L2HGDH: variants seen among roughly 807,000 people sequenced by gnomAD.
The protein encoded by L2HGDH is L-2-hydroxyglutarate dehydrogenase.
L2HGDH carries 34 observed loss-of-function variants against 51.5 expected under a neutral mutation model. The ratio of observed to expected loss-of-function variants is 0.66; its 90% CI spans 0.50 to 0.88. The LOEUF (loss-of-function observed/expected upper bound fraction) is 0.88. Ranked by LOEUF, L2HGDH falls within the 40% of genes least tolerant of loss-of-function variation. L2HGDH has a pLI of 0.00. For synonymous variants in L2HGDH, 198 were observed against 197.9 expected (o/e 1.00, Z -0.01); for missense variants, 558 against 571.9 (o/e 0.98, Z 0.25).
intron 6 of L2HGDH, among the ~76,000 whole-genome samples, chr14:50,273,313 C>A (rs2139993476): frequency 6.6e-6 from 1 of 152,230 alleles, no homozygotes; most frequent in African/African-American, 2.4e-5. Flanking sequence ...CTCCAGGCAC[C>A]CCTGTCTTTA....
chr14:50,305,524 G>T (rs1358842747), intron 1 of L2HGDH, among the ~76,000 whole-genome samples: 1 of 152,188 alleles, frequency 6.6e-6, no homozygotes, highest in Non-Finnish European at 1.5e-5. Flanking sequence ...TACTTACACT[G>T]ATTTACAGAT....
chr14:50,260,383 T>A (rs920799922), intron 9 of L2HGDH, among the ~76,000 whole-genome samples: 2 of 152,210 alleles, frequency 1.3e-5, no homozygotes, highest in Non-Finnish European at 2.9e-5. Context: ...TCCTATATCT[T>A]GTTCTGACTG....
Position 50,283,834 on chromosome 14 carries a change from C to G in L2HGDH, c.703+37G>C, listed in dbSNP as rs1166643291. 1.9e-6 allele frequency: 3 copies of G among 1,591,292 alleles called. No individual in the cohort carries two copies. The African/African-American group carries it at 4.0e-5, about 21-fold the overall frequency. On this transcript the variant is annotated intron_variant, in intron 5 of 9. Coordinates refer to ENST00000267436, the MANE Select transcript of L2HGDH (RefSeq NM_024884.3). ...ATGCAAAACCCATGGATATGGAGGG[C>G]TGACTATATTCAATAGAAAAGACAA...
At position 50,242,680 on chromosome 14, in the gene L2HGDH, A is replaced by T; in HGVS notation, c.*4378T>A. The stretch of plus-strand genomic sequence containing the variant: ...CAGCTTTTGCTTTCCCAACCATTTC[A>T]CCCTGTCCTTCTACCTTAAGCCCTG... On this transcript the variant is annotated 3_prime_UTR_variant, in exon 10 of 10. Coordinates refer to ENST00000267436, the MANE Select transcript of L2HGDH (RefSeq NM_024884.3). 2.0e-6 allele frequency: 2 copies of T among 985,328 alleles called. No homozygotes were observed. Among genetic ancestry groups the T allele is most frequent in the Middle Eastern group, 5.2e-4 (1 of 1,914 alleles). 61.0% of individuals were successfully genotyped at this position (985,328 alleles called of 1,614,324 possible).
intron 9 of L2HGDH, among the ~76,000 whole-genome samples, chr14:50,247,967 G>GA (rs988311699): frequency 6.6e-6 from 1 of 151,818 alleles, no homozygotes; most frequent in Non-Finnish European, 1.5e-5. Flanking sequence ...GCTAATTAAA[G>GA]AAAATTTTTT....
chr14:50,253,458 G>A (rs1049308878), intron 9 of L2HGDH, among the ~76,000 whole-genome samples: 1 of 152,154 alleles, frequency 6.6e-6, no homozygotes, highest in African/African-American at 2.4e-5. Flanking sequence ...GATCATCAGA[G>A]AAATGCAAAT....
At chr14:50,247,633 G>A (rs1355930465) in intron 9 of L2HGDH, among the ~76,000 whole-genome samples, 1 of 152,094 alleles carries the variant, frequency 6.6e-6, no homozygotes, top group African/African-American at 2.4e-5. Flanking sequence ...GCAACAATAA[G>A]CCTCATCTGA....
intron 4 of L2HGDH, among the ~76,000 whole-genome samples, chr14:50,290,756 C>T (rs900414341): frequency 4.6e-5 from 7 of 151,964 alleles, no homozygotes; most frequent in Admixed American, 6.5e-5. Context: ...CTCCGCCTCC[C>T]GGGTTCAAGC....
chr14:50,286,808 C>T (rs1311194317), intron 4 of L2HGDH, among the ~76,000 whole-genome samples: 1 of 152,154 alleles, frequency 6.6e-6, no homozygotes, highest in Non-Finnish European at 1.5e-5. Context: ...CTGAGGCTTT[C>T]TTAAACAATT....
At chr14:50,299,394 T>C (rs917986585) in intron 3 of L2HGDH, among the ~76,000 whole-genome samples, 3 of 152,142 alleles carry the variant, frequency 2.0e-5, no homozygotes, top group Non-Finnish European at 2.9e-5. Flanking sequence ...TTACCAAACA[T>C]TTAAAGAAGA....
chr14:50,303,180 T>C (rs539100423), intron 1 of L2HGDH, among the ~76,000 whole-genome samples, 163 bp from the exon 2 acceptor site: 100 of 152,278 alleles, frequency 6.6e-4, no homozygotes, highest in Admixed American at 2.4e-3. Flanking sequence ...TCCCAGCACT[T>C]TGAGTGGCCG....
rs1039402737 is a variant in L2HGDH, at chr14:50,244,397, A to G, written c.*2661T>C. The G allele has an allele frequency of 1.1e-5, 11 of 985,354 alleles. No homozygotes were observed. The highest frequency in any genetic ancestry group is 1.2e-5 in the Non-Finnish European group (10 of 829,872). The allele number at this position is 985,354 out of a possible 1,614,324, so 61.0% of individuals were successfully genotyped here. A position where few individuals can be genotyped will look rare whatever the true frequency, so the allele number is the denominator to read the frequency against. Reference sequence around the variant, plus strand: ...ACTCAAATGGATTGAGGACTGCTTCAATTAGGACAATCATTTTTTGTAATT... The same window carrying G: ...ACTCAAATGGATTGAGGACTGCTTCGATTAGGACAATCATTTTTTGTAATT... On this transcript the variant is annotated 3_prime_UTR_variant, in exon 10 of 10. Coordinates refer to ENST00000267436, the MANE Select transcript of L2HGDH (RefSeq NM_024884.3).
chr14:50,280,046 T>G (rs1890177173), intron 5 of L2HGDH, among the ~76,000 whole-genome samples: 1 of 136,612 alleles, frequency 7.3e-6, no homozygotes, highest in Non-Finnish European at 1.5e-5. Context: ...GGCAATAGGG[T>G]GAGACTCCGT....
intron 3 of L2HGDH, among the ~76,000 whole-genome samples, chr14:50,298,241 CAA>C (rs1376185765): frequency 9.3e-5 from 12 of 128,678 alleles, no homozygotes; most frequent in Admixed American, 1.6e-4. Flanking sequence ...GACTCTGTCT[CAA>C]AAAAAAAAAA....
intron 4 of L2HGDH, among the ~76,000 whole-genome samples, chr14:50,285,755 A>G (rs897285931): frequency 7.2e-5 from 11 of 152,194 alleles, no homozygotes; most frequent in East Asian, 1.9e-4. Flanking sequence ...CACACTGAAG[A>G]CACTCAAACA....
At chr14:50,257,523 C>A (rs961130703) in intron 9 of L2HGDH, among the ~76,000 whole-genome samples, 2 of 151,908 alleles carry the variant, frequency 1.3e-5, no homozygotes, top group Non-Finnish European at 2.9e-5. Flanking sequence ...GTGTGTACCA[C>A]CATACCTGGT....
At chr14:50,280,758 C>A (rs964039559) in intron 5 of L2HGDH, among the ~76,000 whole-genome samples, 2 of 151,852 alleles carry the variant, frequency 1.3e-5, no homozygotes, top group Non-Finnish European at 2.9e-5. Context: ...AAGCGCTCCA[C>A]CCACCTTGGC....
chr14:50,294,170 G>A lies in L2HGDH; in HGVS notation c.485C>T (p.Pro162Leu), dbSNP rs776346832. 30 of 1,613,428 alleles carry A rather than the reference G, an allele frequency of 1.9e-5. No individual in the cohort carries two copies. Among genetic ancestry groups the A allele is most frequent in the Middle Eastern group, 1.6e-4 (1 of 6,084 alleles). The part of the protein sequence containing the change: ...LYEKGLQNGV[P>L]GLRLIQQEDI... ...CTCCTGCTGGATCAGCCTCAGGCCC[G>A]GGACACCATTCTGGAGGCCTTTCTC... Residue 162 changes from proline to leucine, a missense_variant, in exon 4 of 10, where the codon CCG (proline) becomes CTG (leucine). Around this residue, in one of 3 missense-constraint regions of L2HGDH, gnomAD observed 43 missense variants for 72.9 expected, o/e 0.59. Coordinates refer to ENST00000267436, the MANE Select transcript of L2HGDH (RefSeq NM_024884.3).
intron 4 of L2HGDH, among the ~76,000 whole-genome samples, chr14:50,290,322 T>C (rs953030511): frequency 1.5e-4 from 23 of 152,250 alleles, no homozygotes; most frequent in African/African-American, 4.8e-4. Flanking sequence ...CTGAGAATTA[T>C]TGGAATCAGA....
Sources: allele counts gnomAD v4.1 joint callset (sites outside exome capture counted in the v4.1 genomes callset), GRCh38; gene constraint gnomAD v4.1.1; regional missense constraint gnomAD v4.1.1; transcripts MANE v1.5; gene names NCBI Gene and HGNC (gene_info 2026-07-23, HGNC 2026-07-21).